The following POU3F3 variants were observed in gnomAD, a reference collection of about 807,000 sequenced individuals.
POU3F3 encodes POU class 3 homeobox 3, also known as POU domain, class 3, transcription factor 3.
A neutral mutation model predicts 8.6 loss-of-function variants in POU3F3; 1 was observed. That is an observed-to-expected ratio of 0.12 (90% CI 0.04 to 0.55). The LOEUF is 0.55. Ranked by LOEUF, POU3F3 falls within the 20% of genes least tolerant of loss-of-function variation. POU3F3 has a pLI of 0.91. For synonymous variants in POU3F3, 418 were observed against 327.4 expected, an observed-to-expected ratio of 1.28 and a Z score of -2.99; for missense variants, 577 against 690.7, an observed-to-expected ratio of 0.84 and a Z score of 1.84.
the POU3F3 span, among the ~76,000 whole-genome samples, chr2:104,918,821 G>A: frequency 4.2e-3 from 641 of 151,688 alleles, 5 homozygotes; most frequent in Non-Finnish European, 4.2e-3. Flanking sequence ...ACACTCTCCT[G>A]CCCCGATCTG....
chr2:104,882,510 C>T, the POU3F3 span, among the ~76,000 whole-genome samples: 3 of 152,114 alleles, frequency 2.0e-5, no homozygotes, highest in Non-Finnish European at 2.9e-5. Flanking sequence ...CCTCGGCTTC[C>T]GAAAGTGCTG....
At chr2:104,917,905 T>C in the POU3F3 span, among the ~76,000 whole-genome samples, 1 of 152,150 alleles carries the variant, frequency 6.6e-6, no homozygotes, top group Non-Finnish European at 1.5e-5. Flanking sequence ...AAGAAAGATA[T>C]ATTATCCTCT....
chr2:104,903,156 C>T, the POU3F3 span, among the ~76,000 whole-genome samples: 2 of 152,216 alleles, frequency 1.3e-5, no homozygotes. Context: ...AATATCTCAA[C>T]TACCTCAACA....
chr2:104,900,164 C>T, the POU3F3 span, among the ~76,000 whole-genome samples: 1 of 152,136 alleles, frequency 6.6e-6, no homozygotes, highest in African/African-American at 2.4e-5. Flanking sequence ...ACTGGGTGAC[C>T]TCCAATTCTT....
At chr2:104,860,167 T>G (rs114668010), downstream of POU3F3, among the ~76,000 whole-genome samples, 784 of 152,360 alleles carry the variant, frequency 5.1e-3, 8 homozygotes, top group African/African-American at 0.018. Flanking sequence ...AAGCAAACTT[T>G]GCTGATTACT....
chr2:104,899,209 T>G, the POU3F3 span, among the ~76,000 whole-genome samples: 1 of 152,166 alleles, frequency 6.6e-6, no homozygotes, highest in African/African-American at 2.4e-5. Context: ...ATCGGCAGTA[T>G]GGGTTGTGTG....
the POU3F3 span, among the ~76,000 whole-genome samples, chr2:104,900,517 G>A: frequency 6.6e-6 from 1 of 152,188 alleles, no homozygotes; most frequent in Non-Finnish European, 1.5e-5. Flanking sequence ...GAAGGTGTGA[G>A]TTGACAGCCC....
downstream of POU3F3, among the ~76,000 whole-genome samples, chr2:104,863,205 A>ATTC (rs1403828745): frequency 7.7e-6 from 1 of 129,848 alleles, no homozygotes; most frequent in Non-Finnish European, 1.7e-5. Context: ...TATTATTATT[A>ATTC]TTCTGGAAAC....
At chr2:104,894,528 C>T in the POU3F3 span, among the ~76,000 whole-genome samples, 1 of 152,164 alleles carries the variant, frequency 6.6e-6, no homozygotes. Context: ...AGCCTGCCTG[C>T]ACGAGTGCTG....
chr2:104,922,006 A>C, the POU3F3 span, among the ~76,000 whole-genome samples: 12 of 152,182 alleles, frequency 7.9e-5, no homozygotes, highest in Admixed American at 1.3e-4. Flanking sequence ...CAAAGAATGA[A>C]AAATGACCAC....
At position 104,855,555 on chromosome 2, in the gene POU3F3, G is replaced by A. The variant is rs764013027; in HGVS notation, c.45G>A (p.Leu15=). 2.9e-4 allele frequency: 298 copies of A among 1,044,110 alleles called. 1 individual carries two copies. Among genetic ancestry groups the A allele is most frequent in the Non-Finnish European group, 3.3e-4 (281 of 864,472 alleles). The allele number at this position is 1,044,110 out of a possible 1,614,324, so 64.7% of individuals were successfully genotyped here. ...ASNPYLPGNS[L]LAAGSIVHSD... ...ACCCCTACCTGCCGGGGAACAGCCT[G>A]CTCGCGGCCGGCTCTATTGTGCACT... Residue 15 remains leucine, a synonymous_variant, in exon 1 of 1, where the codon CTG becomes CTA. Coordinates refer to ENST00000361360, the MANE Select transcript of POU3F3 (RefSeq NM_006236.3).
the POU3F3 span, among the ~76,000 whole-genome samples, chr2:104,882,357 T>G: frequency 6.6e-6 from 1 of 151,144 alleles, no homozygotes; most frequent in South Asian, 2.1e-4. Flanking sequence ...GTTCAAGCAA[T>G]TCTCCTGTCT....
At chr2:104,921,829 C>G in the POU3F3 span, among the ~76,000 whole-genome samples, 1 of 152,108 alleles carries the variant, frequency 6.6e-6, no homozygotes, top group African/African-American at 2.4e-5. Context: ...AACCCTGTCT[C>G]TACTAAAAAA....
chr2:104,900,287 A>C, the POU3F3 span, among the ~76,000 whole-genome samples: 1 of 152,200 alleles, frequency 6.6e-6, no homozygotes, highest in Admixed American at 6.5e-5. Flanking sequence ...AACAACTGAC[A>C]CTTACACATC....
the POU3F3 span, among the ~76,000 whole-genome samples, chr2:104,896,983 C>A: frequency 6.6e-6 from 1 of 152,212 alleles, no homozygotes; most frequent in Non-Finnish European, 1.5e-5. Context: ...CAGTCCTACA[C>A]TGGCATTGCA....
the POU3F3 span, among the ~76,000 whole-genome samples, chr2:104,890,844 A>G: frequency 6.6e-6 from 1 of 152,162 alleles, no homozygotes; most frequent in Non-Finnish European, 1.5e-5. Context: ...TCTGCTTTCT[A>G]ATCTTGCTGA....
the POU3F3 span, among the ~76,000 whole-genome samples, chr2:104,907,873 T>C: frequency 2.0e-5 from 3 of 152,156 alleles, no homozygotes; most frequent in South Asian, 6.2e-4. Context: ...ACTTCTCTTG[T>C]AGGGTTTTAC....
the POU3F3 span, among the ~76,000 whole-genome samples, chr2:104,923,181 G>C: frequency 6.6e-6 from 1 of 152,182 alleles, no homozygotes; most frequent in East Asian, 1.9e-4. Flanking sequence ...GGACACTAGA[G>C]AGTAACATGA....
the POU3F3 span, among the ~76,000 whole-genome samples, chr2:104,913,374 G>A: frequency 6.6e-6 from 1 of 152,120 alleles, no homozygotes; most frequent in Admixed American, 6.5e-5. Context: ...TTGGGACCAT[G>A]GACATGGTTT....
Sources: gnomAD v4.1 joint callset for allele counts (sites outside exome capture counted in the v4.1 genomes callset) on GRCh38, gnomAD v4.1.1 for gene constraint, MANE v1.5 for transcripts, NCBI Gene and HGNC (gene_info 2026-07-23, HGNC 2026-07-21) for gene names.